NOL4L: variants seen among roughly 807,000 people sequenced by gnomAD.
NOL4L encodes nucleolar protein 4 like.
A neutral mutation model predicts 64.5 loss-of-function variants in NOL4L; 7 were observed. The observed-to-expected ratio is 0.11, with a 90% confidence interval of 0.06 to 0.20. The LOEUF (loss-of-function observed/expected upper bound fraction) is 0.20, where lower values mean the gene tolerates loss of function less well. NOL4L is among the 10% of genes least tolerant of loss of function. The pLI is 1.00. For missense variants in NOL4L, 680 were observed against 967.1 expected (o/e 0.70, Z 3.94); for synonymous variants, 413 against 401.0 (o/e 1.03, Z -0.36).
chr20:32,493,765 T>C (rs955317853), intron 4 of NOL4L, among the ~76,000 whole-genome samples: 1 of 152,200 alleles, frequency 6.6e-6, no homozygotes, highest in Non-Finnish European at 1.5e-5. Context: ...GTGCAGGGAC[T>C]GCAGTGGTGA....
chr20:32,467,273 G>T (rs1230805499), intron 5 of NOL4L, among the ~76,000 whole-genome samples: 1 of 152,074 alleles, frequency 6.6e-6, no homozygotes, highest in Non-Finnish European at 1.5e-5. Context: ...CACCTGGATG[G>T]GTCTGGCATT....
At chr20:32,541,509 G>A (rs185757648) in intron 1 of NOL4L, among the ~76,000 whole-genome samples, 3 of 152,214 alleles carry the variant, frequency 2.0e-5, no homozygotes, top group East Asian at 1.9e-4. Flanking sequence ...TGGGGGTGGC[G>A]GGGCTGATGG....
At chr20:32,542,560 C>G (rs1362691586) in intron 1 of NOL4L, among the ~76,000 whole-genome samples, 1 of 152,106 alleles carries the variant, frequency 6.6e-6, no homozygotes, top group Non-Finnish European at 1.5e-5. Flanking sequence ...CATTGTGTTG[C>G]CCACGCTGGT....
chr20:32,485,631 T>TG, intron 4 of NOL4L: 1 of 395,802 alleles, frequency 2.5e-6, no homozygotes, highest in South Asian at 1.9e-5. Flanking sequence ...CTTGGTGATG[T>TG]GGGGCAGGTG....
At chr20:32,490,142 A>AC (rs1487869922) in intron 4 of NOL4L, among the ~76,000 whole-genome samples, 1 of 146,614 alleles carries the variant, frequency 6.8e-6, no homozygotes, top group East Asian at 2.1e-4. Flanking sequence ...AAAAAAAAAA[A>AC]AAATATATAT....
intron 6 of NOL4L, chr20:32,454,085 C>G (rs756828559): frequency 6.5e-4 from 201 of 310,608 alleles, no homozygotes; most frequent in Non-Finnish European, 1.1e-3. Flanking sequence ...ACACCAGGAC[C>G]TGCCACGTGT....
At chr20:32,461,836 C>A (rs992981341) in intron 5 of NOL4L, among the ~76,000 whole-genome samples, 10 of 151,806 alleles carry the variant, frequency 6.6e-5, no homozygotes, top group Admixed American at 3.9e-4. Context: ...TGTCTCTGGC[C>A]TGTGCCCAGC....
chr20:32,557,230 G>A (rs895976585), intron 1 of NOL4L, among the ~76,000 whole-genome samples: 8 of 152,162 alleles, frequency 5.3e-5, no homozygotes, highest in East Asian at 3.8e-4. Flanking sequence ...CAGCCTCCCC[G>A]CTACCGTCCT....
chr20:32,467,189 C>T (rs2014629268), intron 5 of NOL4L, among the ~76,000 whole-genome samples: 1 of 152,222 alleles, frequency 6.6e-6, no homozygotes, highest in African/African-American at 2.4e-5. Flanking sequence ...CAGAAGCACA[C>T]TTCTGCCTGG....
rs2013902784 is a variant in NOL4L at position 32,460,033 on chromosome 20, G to T, written c.842-3638C>A. Among the ~76,000 whole-genome samples, 1 of 152,182 alleles carries T rather than the reference G, an allele frequency of 6.6e-6. No individual in the cohort carries two copies. The highest frequency in any genetic ancestry group is 2.4e-5 in the African/African-American group (1 of 41,444). ...TGATTCCACTTCTACGCAGCATCTGGAACAGGCAAATTCACAGAGACAGAA... is the reference window on the plus strand; with the variant it reads ...TGATTCCACTTCTACGCAGCATCTGTAACAGGCAAATTCACAGAGACAGAA... On this transcript the variant is annotated intron_variant, in intron 5 of 10. Coordinates refer to ENST00000621426, the MANE Select transcript of NOL4L (RefSeq NM_001256798.2). This position sits in a 1 kb window ranked among gnomAD's most constrained non-coding sequence, Gnocchi z 5.7.
intron 1 of NOL4L, among the ~76,000 whole-genome samples, chr20:32,568,465 C>T (rs373429937): frequency 1.3e-5 from 2 of 151,984 alleles, no homozygotes; most frequent in African/African-American, 4.8e-5. Context: ...AGCCTACAGC[C>T]TCCCTGGACC....
chr20:32,457,711 GC>G (rs1377427802), intron 5 of NOL4L, among the ~76,000 whole-genome samples: 62 of 152,112 alleles, frequency 4.1e-4, no homozygotes, highest in Non-Finnish European at 8.8e-4. Context: ...CCTGGGCCAG[GC>G]GTCCTGTCCT....
At chr20:32,490,191 T>C (rs1309329685) in intron 4 of NOL4L, among the ~76,000 whole-genome samples, 1 of 150,928 alleles carries the variant, frequency 6.6e-6, no homozygotes, top group African/African-American at 2.4e-5. Flanking sequence ...TATGTATATA[T>C]ATGTTTTCCT....
chr20:32,488,823 T>C lies in NOL4L; in HGVS notation c.700-14081A>G, dbSNP rs956511586. 3.8e-3 allele frequency among the ~76,000 whole-genome samples: 67 copies of C among 17,666 alleles called. 5 individuals are homozygous for C. Among genetic ancestry groups the C allele is most frequent in the Admixed American group, 5.4e-3 (7 of 1,286 alleles). The allele number at this position is 17,666 out of a possible 152,430, so 11.6% of individuals were successfully genotyped here. Reference sequence around the variant, plus strand: ...TCTTTCTTTTTCTTTCTTTCTTTCTTTCTTTTTCTTTCTTTCTTTCTTTCT... The same window carrying C: ...TCTTTCTTTTTCTTTCTTTCTTTCTCTCTTTTTCTTTCTTTCTTTCTTTCT... On this transcript the variant is annotated intron_variant, in intron 4 of 10. Coordinates refer to ENST00000621426, the MANE Select transcript of NOL4L (RefSeq NM_001256798.2).
chr20:32,488,741 CTTTCTT>C lies in NOL4L; in HGVS notation c.700-14005_700-14000del, dbSNP rs1199039361. The stretch of plus-strand genomic sequence containing the variant: ...TTCTTTTTCTTTCTTTCTTTTCTTT[CTTTCTT>C]TTCCTTCCTTCCTTCCTTCCTTCCT... On this transcript the variant is annotated intron_variant, in intron 4 of 10. Coordinates refer to ENST00000621426, the MANE Select transcript of NOL4L (RefSeq NM_001256798.2). 7.4e-5 allele frequency among the ~76,000 whole-genome samples: 11 copies of C among 149,622 alleles called. No homozygotes were observed. The South Asian group carries it at 1.3e-3, about 17-fold the overall frequency.
intron 4 of NOL4L, among the ~76,000 whole-genome samples, chr20:32,493,643 C>T (rs888074568): frequency 1.3e-5 from 2 of 152,166 alleles, no homozygotes; most frequent in Non-Finnish European, 2.9e-5. Context: ...CACAGAGCAC[C>T]GCCCGAACCA....
At chr20:32,488,879 CTTT>C (rs1568649576) in intron 4 of NOL4L, among the ~76,000 whole-genome samples, 22 of 84,950 alleles carry the variant, frequency 2.6e-4, no homozygotes, top group South Asian at 7.2e-4. Context: ...TTCTTTCTTT[CTTT>C]CTTTCTTTCT....
intron 4 of NOL4L, among the ~76,000 whole-genome samples, chr20:32,489,263 T>C (rs1365639804): frequency 6.6e-6 from 1 of 152,062 alleles, no homozygotes; most frequent in Non-Finnish European, 1.5e-5. Context: ...CTTTATTCCA[T>C]CTTTTATTTA....
intron 4 of NOL4L, among the ~76,000 whole-genome samples, chr20:32,485,074 A>C (rs1338988124): frequency 6.8e-6 from 1 of 147,844 alleles, no homozygotes; most frequent in South Asian, 2.2e-4. Context: ...AAAAAAAAAA[A>C]AAAAAAAAAA....
Sources: gnomAD v4.1 joint callset for allele counts (sites outside exome capture counted in the v4.1 genomes callset) on GRCh38, gnomAD v4.1.1 for gene constraint, Gnocchi (gnomAD v3.1) non-coding constraint, MANE v1.5 for transcripts, NCBI Gene and HGNC (gene_info 2026-07-23, HGNC 2026-07-21) for gene names.